The following ARL15 variants were observed in gnomAD, a reference collection of about 807,000 sequenced individuals.
ARL15 encodes ARF like GTPase 15.
Under a neutral mutation model 25.2 loss-of-function variants are expected in ARL15, and 19 were observed. The observed-to-expected ratio is 0.75, with a 90% CI of 0.53 to 1.10. The LOEUF is 1.10. ARL15 is among the 50% of genes least tolerant of loss of function. ARL15 has a pLI of 0.00. For missense variants in ARL15, 220 were observed against 246.0 expected, an observed-to-expected ratio of 0.89 and a Z score of 0.71; for synonymous variants, 94 against 86.8, an observed-to-expected ratio of 1.08 and a Z score of -0.46.
intron 1 of ARL15, among the ~76,000 whole-genome samples, chr5:54,216,621 G>A (rs985086117): frequency 5.5e-5 from 8 of 145,468 alleles, no homozygotes; most frequent in African/African-American, 1.8e-4. Context: ...ATGGGTATAT[G>A]TATATGTATG....
chr5:53,947,221 T>TGTGTGTGTGTGTGTG (rs57259252), intron 4 of ARL15, among the ~76,000 whole-genome samples: 1 of 114,808 alleles, frequency 8.7e-6, no homozygotes, highest in South Asian at 2.7e-4. Flanking sequence ...TGTGTGTGTG[T>TGTGTGTGTGTGTGTG]TGAGGGCTGG....
At chr5:53,920,065 A>C (rs1745795449) in intron 4 of ARL15, among the ~76,000 whole-genome samples, 1 of 152,172 alleles carries the variant, frequency 6.6e-6, no homozygotes, top group Non-Finnish European at 1.5e-5. Flanking sequence ...TTTATGAATA[A>C]AATTTATAAC....
At chr5:53,927,470 T>C (rs925008105) in intron 4 of ARL15, among the ~76,000 whole-genome samples, 4 of 152,194 alleles carry the variant, frequency 2.6e-5, no homozygotes, top group Non-Finnish European at 5.9e-5. Context: ...CTTAAGCACC[T>C]GCCCTGGGTC....
At chr5:54,058,195 G>T (rs1475759999) in intron 4 of ARL15, among the ~76,000 whole-genome samples, 1 of 151,758 alleles carries the variant, frequency 6.6e-6, no homozygotes, top group Non-Finnish European at 1.5e-5. Flanking sequence ...TAGTAGAGAT[G>T]GGGTTTCACC....
chr5:54,305,593 C>A (rs1250540105), intron 1 of ARL15, among the ~76,000 whole-genome samples: 2 of 152,204 alleles, frequency 1.3e-5, no homozygotes, highest in African/African-American at 4.8e-5. Context: ...AACTAACTAA[C>A]ATAGCACAGA....
At chr5:53,899,751 A>G (rs906834392) in intron 4 of ARL15, among the ~76,000 whole-genome samples, 1 of 152,194 alleles carries the variant, frequency 6.6e-6, no homozygotes, top group Non-Finnish European at 1.5e-5. Flanking sequence ...CAGTTGGATT[A>G]TGTCTCTCTC....
At chr5:54,176,953 C>T (rs1754892479) in intron 1 of ARL15, among the ~76,000 whole-genome samples, 1 of 152,202 alleles carries the variant, frequency 6.6e-6, no homozygotes, top group African/African-American at 2.4e-5. Context: ...CCTCCACATG[C>T]TCCATTCTAT....
At chr5:54,055,111 A>G (rs780399210) in intron 4 of ARL15, among the ~76,000 whole-genome samples, 1 of 152,152 alleles carries the variant, frequency 6.6e-6, no homozygotes. Context: ...TTATCACACT[A>G]CAAAGAAACA....
intron 4 of ARL15, among the ~76,000 whole-genome samples, chr5:54,023,360 G>A (rs1484864067): frequency 6.6e-6 from 1 of 151,890 alleles, no homozygotes; most frequent in African/African-American, 2.4e-5. Flanking sequence ...TAACCCTCAG[G>A]AAGGCAGGAA....
In ARL15 at chr5:53,990,257, A is replaced by C. The variant is rs576563561; in HGVS notation, c.463-103544T>G. Among the ~76,000 whole-genome samples the C allele has an allele frequency of 2.0e-5, 3 of 147,788 alleles. 1 individual carries two copies. Among genetic ancestry groups the C allele is most frequent in the South Asian group, 4.3e-4 (2 of 4,602 alleles). On this transcript the variant is annotated intron_variant, in intron 4 of 4. Coordinates refer to ENST00000504924, the MANE Select transcript of ARL15 (RefSeq NM_019087.3). ...CTAAAAAAAAAATAGTTAAAAAAAA[A>C]CACATCATATTGCTACAAAGACAAT...
At chr5:54,308,660 A>G (rs1758820375) in intron 1 of ARL15, among the ~76,000 whole-genome samples, 1 of 152,228 alleles carries the variant, frequency 6.6e-6, no homozygotes, top group Non-Finnish European at 1.5e-5. Flanking sequence ...GGGCCCACAA[A>G]CATTCATCCA....
intron 4 of ARL15, among the ~76,000 whole-genome samples, chr5:53,888,820 C>T (rs1280764948): frequency 6.6e-6 from 1 of 152,068 alleles, no homozygotes; most frequent in African/African-American, 2.4e-5. Flanking sequence ...CTGGCTAAGT[C>T]CACCCTTAGA....
chr5:54,056,499 G>A (rs1468921016), intron 4 of ARL15, among the ~76,000 whole-genome samples: 9 of 151,530 alleles, frequency 5.9e-5, no homozygotes, highest in Admixed American at 2.0e-4. Context: ...GCATGCTGGC[G>A]TGCCCCTGTA....
intron 1 of ARL15, among the ~76,000 whole-genome samples, chr5:54,176,901 A>C (rs1259299781): frequency 1.3e-5 from 2 of 152,152 alleles, no homozygotes; most frequent in Non-Finnish European, 2.9e-5. Context: ...TGGCCACCCA[A>C]TATACAGCCC....
At chr5:54,222,960 C>T (rs1247614261) in intron 1 of ARL15, among the ~76,000 whole-genome samples, 1 of 150,278 alleles carries the variant, frequency 6.7e-6, no homozygotes, top group African/African-American at 2.5e-5. Flanking sequence ...GCCAGGACTA[C>T]AGGCACGCGT....
intron 4 of ARL15, among the ~76,000 whole-genome samples, chr5:54,054,506 T>C (rs1425395881): frequency 6.6e-6 from 1 of 152,166 alleles, no homozygotes; most frequent in East Asian, 1.9e-4. Context: ...GAAACAATAC[T>C]AGAGCTGGGC....
intron 4 of ARL15, among the ~76,000 whole-genome samples, chr5:53,978,747 A>G (rs569259260): frequency 4.1e-4 from 62 of 152,114 alleles, no homozygotes; most frequent in Admixed American, 1.2e-3. Flanking sequence ...ACACATATAT[A>G]TTTTATAGAA....
At chr5:53,894,621 G>A (rs1328775449) in intron 4 of ARL15, among the ~76,000 whole-genome samples, 2 of 152,126 alleles carry the variant, frequency 1.3e-5, no homozygotes, top group Admixed American at 6.5e-5. Flanking sequence ...CTTGTCTTCA[G>A]GGACTAATGA....
intron 1 of ARL15, among the ~76,000 whole-genome samples, chr5:54,242,432 A>T (rs1756982180): frequency 6.6e-6 from 1 of 152,176 alleles, no homozygotes; most frequent in East Asian, 1.9e-4. Flanking sequence ...AACTCCGAAG[A>T]TAAGCATGGA....
Sources: gnomAD v4.1 joint callset for allele counts (sites outside exome capture counted in the v4.1 genomes callset) on GRCh38, gnomAD v4.1.1 for gene constraint, MANE v1.5 for transcripts, NCBI Gene and HGNC (gene_info 2026-07-23, HGNC 2026-07-21) for gene names.